Variants in FLNC observed in about 807,000 individuals in gnomAD.
The protein encoded by FLNC is filamin C.
In FLNC, 91 loss-of-function variants were observed where a neutral mutation model predicts 254.3. That is an observed-to-expected ratio of 0.36 (90% CI 0.30 to 0.43). The LOEUF is 0.43. Among genes scored for constraint, FLNC ranks in the 20% least tolerant of loss-of-function variants. The probability of loss-of-function intolerance (pLI) is 1.00; values close to 1 mark genes in which losing one functional copy is unlikely to be tolerated. For missense variants in FLNC, 2,853 were observed against 3,802.6 expected (o/e 0.75, Z 6.57); for synonymous variants, 1,430 against 1,577.2 (o/e 0.91, Z 2.21).
chr7:128,836,836 G>A lies in FLNC; in HGVS notation c.602-324G>A, dbSNP rs1381223832. ...AAAGCTGAATGAGGCAAGAGATAGC[G>A]AGAGGGGGTACCCTCCCAGGGTTTG... On this transcript the variant is annotated intron_variant, in intron 2 of 47. Coordinates refer to ENST00000325888, the MANE Select transcript of FLNC (RefSeq NM_001458.5). The surrounding 1 kb of genome is among the most constrained non-coding windows in gnomAD (Gnocchi z 6.0). 1.3e-5 allele frequency among the ~76,000 whole-genome samples: 2 copies of A among 152,160 alleles called. No homozygotes were observed. Among genetic ancestry groups the A allele is most frequent in the African/African-American group, 2.4e-5 (1 of 41,428 alleles).
In FLNC at chr7:128,831,002, G is replaced by A. The variant is rs779010582; in HGVS notation, c.352+13G>A. On this transcript the variant is annotated intron_variant, in intron 1 of 47. Coordinates refer to ENST00000325888, the MANE Select transcript of FLNC (RefSeq NM_001458.5). Reference sequence around the variant, plus strand: ...CTCGTGTCCATAGGTCAGTGCCGGGGGCGAGGGCACGGGCGCTGCGGGGAT... The same window carrying A: ...CTCGTGTCCATAGGTCAGTGCCGGGAGCGAGGGCACGGGCGCTGCGGGGAT... The A allele has an allele frequency of 6.9e-6, 11 of 1,602,904 alleles. No individual in the cohort carries two copies. Among genetic ancestry groups the A allele is most frequent in the Non-Finnish European group, 9.3e-6 (11 of 1,179,190 alleles).
chr7:128,846,688 C>T, intron 23 of FLNC, 57 bp from the exon 24 acceptor site: 3 of 1,562,024 alleles, frequency 1.9e-6, no homozygotes, highest in Non-Finnish European at 2.6e-6. Flanking sequence ...CATTCAGCTA[C>T]TCCCTCATCC....
At position 128,844,325 on chromosome 7, in the gene FLNC, A is replaced by G. The variant is rs1585159568; in HGVS notation, c.3192+59A>G. 6 of 1,540,680 alleles carry G rather than the reference A, an allele frequency of 3.9e-6. No individual in the cohort carries two copies. The East Asian group carries it at 1.4e-4, about 35-fold the overall frequency. On this transcript the variant is annotated intron_variant, in intron 20 of 47. Coordinates refer to ENST00000325888, the MANE Select transcript of FLNC (RefSeq NM_001458.5). ...TGGGGACTTGTTGGGAAGATAGATG[A>G]GTCATAGGGGGCAGAGGCCAGAGGG...
At chr7:128,843,630 G>T in intron 18 of FLNC, 53 bp downstream of exon 18, 2 of 1,601,162 alleles carry the variant, frequency 1.2e-6, no homozygotes, top group Non-Finnish European at 1.7e-6. Flanking sequence ...AGAGCCCTGG[G>T]TCTCCCTCCT....
At position 128,852,635 on chromosome 7, in the gene FLNC, A is replaced by G. The variant is rs1450988022; in HGVS notation, c.5887A>G (p.Thr1963Ala). 1.2e-6 allele frequency: 2 copies of G among 1,613,140 alleles called. No homozygotes were observed. Among genetic ancestry groups the G allele is most frequent in the Non-Finnish European group, 8.5e-7 (1 of 1,180,008 alleles). Residue 1963 changes from threonine to alanine, a missense_variant, in exon 36 of 48, where the codon ACG becomes GCG. By Grantham distance (58) the Thr-to-Ala change is moderately conservative. Around this residue, in one of 10 missense-constraint regions of FLNC, gnomAD observed 551 missense variants for 835.0 expected, o/e 0.66. Transcript: ENST00000325888. ...CTCACAGCTGAATGTGGGCACCTCCACGGACGTGTCACTGAAGATCACCGA... is the reference window on the plus strand; with the variant it reads ...CTCACAGCTGAATGTGGGCACCTCCGCGGACGTGTCACTGAAGATCACCGA... ...RTSQLNVGTS[T>A]DVSLKITESD...
rs1808775264 is a variant in FLNC, at chr7:128,850,817, C to T, written c.5413C>T (p.Pro1805Ser). 1 of 1,613,716 alleles carries T rather than the reference C, an allele frequency of 6.2e-7. No individual in the cohort carries two copies. Among genetic ancestry groups the T allele is most frequent in the African/African-American group, 1.3e-5 (1 of 75,018 alleles). The change falls in exon 33 of 48, where the codon CCC becomes TCC. Residue 1805 changes from proline (P) to serine (S), a missense_variant. Physicochemically the swap from Pro to Ser is moderately conservative, Grantham distance 74 (BLOSUM62 -1). Coordinates refer to ENST00000325888, the MANE Select transcript of FLNC (RefSeq NM_001458.5). Reference protein sequence around the residue: ...KGELTGEVRMPSGKTARPNIT... With the variant: ...KGELTGEVRMSSGKTARPNIT... Reference sequence around the variant, plus strand: ...CTGCCCTGCAGGAGAGGTGCGGATGCCCTCGGGGAAGACGGCACGGCCCAA... The same window carrying T: ...CTGCCCTGCAGGAGAGGTGCGGATGTCCTCGGGGAAGACGGCACGGCCCAA...
In FLNC at chr7:128,842,114, TG is replaced by T; in HGVS notation, c.2122-112del. 1 of 1,052,446 alleles carries T rather than the reference TG, an allele frequency of 9.5e-7. No homozygotes were observed. The highest frequency in any genetic ancestry group is 1.4e-6 in the Non-Finnish European group (1 of 715,556). 65.2% of individuals were successfully genotyped at this position (1,052,446 alleles called of 1,614,324 possible). A position where few individuals can be genotyped will look rare whatever the true frequency, so the allele number is the denominator to read the frequency against. On this transcript the variant is annotated intron_variant, in intron 13 of 47. Transcript: ENST00000325888. This position sits in a 1 kb window ranked among gnomAD's most constrained non-coding sequence, Gnocchi z 5.4. The stretch of plus-strand genomic sequence containing the variant: ...GCTCTGGTGGCCTCAGTGGCTGGTG[TG>T]GGGGCGGGAGTGCCAGTGTTGGGGG...
At position 128,854,475 on chromosome 7, in the gene FLNC, G is replaced by A. The variant is rs551954485; in HGVS notation, c.6790G>A (p.Ala2264Thr). Residue 2264 changes from alanine to threonine, a missense_variant, in exon 41 of 48, where the codon GCA becomes ACA. Physicochemically the swap from Ala to Thr is moderately conservative, Grantham distance 58. Coordinates refer to ENST00000325888, the MANE Select transcript of FLNC (RefSeq NM_001458.5). ...CAGCCCATCGGGCAAGGTGGAAGCCGCAGAGATCGTCGAGGGCGAGGACAG... is the reference window on the plus strand; with the variant it reads ...CAGCCCATCGGGCAAGGTGGAAGCCACAGAGATCGTCGAGGGCGAGGACAG... Reference protein sequence around the residue: ...VTSPSGKVEAAEIVEGEDSAY... With the variant: ...VTSPSGKVEATEIVEGEDSAY... 26 of 1,608,326 alleles carry A rather than the reference G, an allele frequency of 1.6e-5. 1 individual carries two copies. Among genetic ancestry groups the A allele is most frequent in the East Asian group, 1.1e-4 (5 of 44,688 alleles).
chr7:128,850,286 C>A, intron 31 of FLNC, 98 bp from the exon 32 acceptor site: 1 of 1,105,378 alleles, frequency 9.0e-7, no homozygotes, highest in Non-Finnish European at 1.4e-6. Flanking sequence ...TCATGATTAA[C>A]TACCTTGTTC....
In FLNC at chr7:128,851,416, GGGC is replaced by G. The variant is rs573719427; in HGVS notation, c.5669-38_5669-36del. The G allele has an allele frequency of 2.0e-3, 3,235 of 1,613,974 alleles. 20 individuals are homozygous for G. The highest frequency in any genetic ancestry group is 9.0e-3 in the South Asian group (817 of 91,080). ...GGAGACTCACCAGGGGCAGGGGTGA[GGGC>G]AGGACCTCTGATCTTGGCCACACCT... On this transcript the variant is annotated intron_variant, in intron 34 of 47. Coordinates refer to ENST00000325888, the MANE Select transcript of FLNC (RefSeq NM_001458.5).
rs1188521839 is a variant in FLNC at position 128,846,058 on chromosome 7, C to T, written c.3859C>T (p.His1287Tyr). Residue 1287 changes from histidine (H) to tyrosine (Y), a missense_variant, in exon 22 of 48, where the codon CAC becomes TAC. This residue lies in a region of FLNC where 1,573 missense variants were observed against 1,883.5 expected (regional missense o/e 0.84). Coordinates refer to ENST00000325888, the MANE Select transcript of FLNC (RefSeq NM_001458.5). ...ARSLTATGGN[H>Y]VTARVLNPSG... ...ATCCCTAACAGCCACAGGCGGCAAC[C>T]ACGTGACGGCTCGTGTGCTCAACCC... 1 of 1,614,050 alleles carries T rather than the reference C, an allele frequency of 6.2e-7. No individual in the cohort carries two copies. Among genetic ancestry groups the T allele is most frequent in the East Asian group, 2.2e-5 (1 of 44,886 alleles).
chr7:128,849,968 C>A lies in FLNC; in HGVS notation c.5200-8C>A. The A allele has an allele frequency of 6.3e-7, 1 of 1,582,934 alleles. No homozygotes were observed. The highest frequency in any genetic ancestry group is 1.1e-5 in the South Asian group (1 of 87,762). ...CACACCCTGTGCCCCCGTGCCTTGC[C>A]TCCCCAGGCGTGTGACCCCCTGCCG... On this transcript the variant is annotated splice_polypyrimidine_tract_variant and splice_region_variant and intron_variant, in intron 30 of 47. Coordinates refer to ENST00000325888, the MANE Select transcript of FLNC (RefSeq NM_001458.5).
chr7:128,853,167 T>A, intron 37 of FLNC, 136 bp downstream of exon 37: 1 of 957,682 alleles, frequency 1.0e-6, no homozygotes, highest in Non-Finnish European at 1.6e-6. Context: ...GGATTCGCAT[T>A]CTGGGGCCCC....
rs761286115 is a variant in FLNC, at chr7:128,856,939, G to A, written c.7561+18G>A. 6 of 1,612,932 alleles carry A rather than the reference G, an allele frequency of 3.7e-6. No individual in the cohort carries two copies. The highest frequency in any genetic ancestry group is 1.1e-5 in the South Asian group (1 of 91,046). On this transcript the variant is annotated intron_variant, in intron 45 of 47. Coordinates refer to ENST00000325888, the MANE Select transcript of FLNC (RefSeq NM_001458.5). The surrounding 1 kb of genome is among the most constrained non-coding windows in gnomAD (Gnocchi z 5.9). ...CACTACCGGTGAGTGCCTGGAGCTG[G>A]GGAACAGGGTGACTTCTGGGGGTGC...
intron 43 of FLNC, 92 bp downstream of exon 43, chr7:128,855,406 A>G (rs1809014923): frequency 3.5e-6 from 3 of 868,096 alleles, no homozygotes; most frequent in Middle Eastern, 2.1e-4. Flanking sequence ...GGGATTTAGC[A>G]GTGACCTTGG....
Position 128,854,609 on chromosome 7 carries a change from G to T in FLNC, c.6924G>T (p.Pro2308=). ...PGSPFQFTVG[P]LGEGGAHKVR... ...GCCCCTTTCAGTTCACTGTGGGGCC[G>T]CTGGGTGAAGGTGGTGCCCACAAGG... The change falls in exon 41 of 48, where the codon CCG becomes CCT. Residue 2308 remains proline (P), a synonymous_variant. Coordinates refer to ENST00000325888, the MANE Select transcript of FLNC (RefSeq NM_001458.5). 6.2e-7 allele frequency: 1 copy of T among 1,611,446 alleles called. No homozygotes were observed. The highest frequency in any genetic ancestry group is 8.5e-7 in the Non-Finnish European group (1 of 1,179,164).
chr7:128,855,069 A>G (rs1049944323), intron 42 of FLNC, 130 bp from the exon 43 acceptor site: 114 of 1,052,798 alleles, frequency 1.1e-4, no homozygotes, highest in Non-Finnish European at 1.4e-4. Flanking sequence ...CCACACCCTC[A>G]GAAACATGTG....
Position 128,846,657 on chromosome 7 carries a change from C to T in FLNC, c.4128-88C>T, listed in dbSNP as rs1216664360. ...CTCAGCTGGGTCCCCAGCGGCCTGC[C>T]CTCTTTCCTCCCTGTCCCCCCATTC... On this transcript the variant is annotated intron_variant, in intron 23 of 47. Coordinates refer to ENST00000325888, the MANE Select transcript of FLNC (RefSeq NM_001458.5). 5 of 1,438,802 alleles carry T rather than the reference C, an allele frequency of 3.5e-6. No individual in the cohort carries two copies. In the African/African-American group the frequency reaches 5.6e-5, roughly 16 times the overall value. The allele number at this position is 1,438,802 out of a possible 1,614,324, so 89.1% of individuals were successfully genotyped here. A position where few individuals can be genotyped will look rare whatever the true frequency, so the allele number is the denominator to read the frequency against.
Position 128,848,568 on chromosome 7 carries a change from A to C in FLNC, c.4588A>C (p.Lys1530Gln), listed in dbSNP as rs1228927564. The C allele has an allele frequency of 1.2e-6, 2 of 1,613,762 alleles. No homozygotes were observed. The highest frequency in any genetic ancestry group is 1.7e-6 in the Non-Finnish European group (2 of 1,180,006). ...TCCCTTCTGCTCCTCAAGCCCCTTC[A>C]AGATCAAGGTCCTCCCAGCTCATGA... ...ADQEVPRSPF[K>Q]IKVLPAHDAS... The change falls in exon 27 of 48, where the codon AAG becomes CAG. Residue 1530 changes from lysine to glutamine, a missense_variant. By Grantham distance (53) the Lys-to-Gln change is moderately conservative (BLOSUM62 1). Coordinates refer to ENST00000325888, the MANE Select transcript of FLNC (RefSeq NM_001458.5).
Sources: allele counts gnomAD v4.1 joint callset (sites outside exome capture counted in the v4.1 genomes callset), GRCh38; gene constraint gnomAD v4.1.1; regional missense constraint gnomAD v4.1.1; non-coding constraint Gnocchi (gnomAD v3.1); transcripts MANE v1.5; gene names NCBI Gene and HGNC (gene_info 2026-07-23, HGNC 2026-07-21).